The following NR5A2 variants were observed in gnomAD, a reference collection of about 807,000 sequenced individuals.
NR5A2 encodes nuclear receptor subfamily 5 group A member 2.
In NR5A2, 26 loss-of-function variants were observed where a neutral mutation model predicts 62.7. The observed-to-expected ratio is 0.41, with a 90% CI of 0.30 to 0.58. The LOEUF (loss-of-function observed/expected upper bound fraction) is 0.58. Ranked by LOEUF, NR5A2 falls within the 20% of genes least tolerant of loss-of-function variation. The probability of loss-of-function intolerance (pLI) is 0.22; values close to 1 mark genes in which losing one functional copy is unlikely to be tolerated. For missense variants in NR5A2, 541 were observed against 669.1 expected (o/e 0.81, Z 2.11); for synonymous variants, 246 against 241.7 (o/e 1.02, Z -0.16).
At chr1:200,141,271 C>A (rs114267286) in intron 7 of NR5A2, among the ~76,000 whole-genome samples, 1 of 152,020 alleles carries the variant, frequency 6.6e-6, no homozygotes, top group Non-Finnish European at 1.5e-5. Flanking sequence ...TTTATAGCAC[C>A]CACCCCTCCC....
intron 7 of NR5A2, among the ~76,000 whole-genome samples, chr1:200,166,809 A>G (rs1653925069): frequency 6.6e-6 from 1 of 152,196 alleles, no homozygotes; most frequent in Non-Finnish European, 1.5e-5. Context: ...CTGTTTTTCC[A>G]CTGGGAAAAT....
chr1:200,153,373 G>T (rs1571565355), intron 7 of NR5A2, among the ~76,000 whole-genome samples: 1 of 152,122 alleles, frequency 6.6e-6, no homozygotes, highest in East Asian at 1.9e-4. Flanking sequence ...CAAATAAGCT[G>T]GTGCTTCCCC....
intron 5 of NR5A2, among the ~76,000 whole-genome samples, chr1:200,104,526 A>G (rs1035364554): frequency 6.6e-6 from 1 of 152,182 alleles, no homozygotes; most frequent in Non-Finnish European, 1.5e-5. Context: ...TATAAATGTC[A>G]TCATTGTTAC....
At chr1:200,034,849 C>CT (rs1661703563) in intron 1 of NR5A2, among the ~76,000 whole-genome samples, 2 of 84,188 alleles carry the variant, frequency 2.4e-5, no homozygotes, top group African/African-American at 8.9e-5. Context: ...TTCAGGTTTG[C>CT]TTTTTTAAAG....
In NR5A2 at chr1:200,039,209, GGA is replaced by G. The variant is rs1278226777; in HGVS notation, c.65-442_65-441del. Among the ~76,000 whole-genome samples the G allele has an allele frequency of 3.3e-5, 5 of 151,948 alleles. No individual in the cohort carries two copies. The highest frequency in any genetic ancestry group is 1.2e-4 in the African/African-American group (5 of 41,418). ...AGAGAGAAGGGAGGCGAGAGAAAGAGGAGAGAGACCCCTGCCGATCCTGAGCC... is the reference window on the plus strand; with the variant it reads ...AGAGAGAAGGGAGGCGAGAGAAAGAGGAGAGACCCCTGCCGATCCTGAGCC... On this transcript the variant is annotated intron_variant, in intron 1 of 7. Transcript: ENST00000367362. This position sits in a 1 kb window ranked among gnomAD's most constrained non-coding sequence, Gnocchi z 5.1.
chr1:200,039,520 C>A lies in NR5A2; in HGVS notation c.65-138C>A. 8.2e-7 allele frequency: 1 copy of A among 1,218,674 alleles called. No individual in the cohort carries two copies. Among genetic ancestry groups the A allele is most frequent in the East Asian group, 2.6e-5 (1 of 37,842 alleles). The allele number at this position is 1,218,674 out of a possible 1,614,324, so 75.5% of individuals were successfully genotyped here. ...GCGGCTCCGGAGCTGCGAGACCGGACAGGGCTCAGAGGTCCTGCCCGGCAG... is the reference window on the plus strand; with the variant it reads ...GCGGCTCCGGAGCTGCGAGACCGGAAAGGGCTCAGAGGTCCTGCCCGGCAG... On this transcript the variant is annotated intron_variant, in intron 1 of 7. Coordinates refer to ENST00000367362, the MANE Select transcript of NR5A2 (RefSeq NM_205860.3). The surrounding 1 kb of genome is among the most constrained non-coding windows in gnomAD (Gnocchi z 5.1).
At chr1:200,092,873 CTTTTTTTTTT>C (rs869028679) in intron 5 of NR5A2, among the ~76,000 whole-genome samples, 2 of 64,250 alleles carry the variant, frequency 3.1e-5, no homozygotes, top group Admixed American at 2.1e-4. Flanking sequence ...AAAGACAGGT[CTTTTTTTTTT>C]TTTTTTTTTT....
chr1:200,074,128 TA>T (rs983318921), intron 5 of NR5A2, among the ~76,000 whole-genome samples: 5 of 152,086 alleles, frequency 3.3e-5, no homozygotes, highest in African/African-American at 1.2e-4. Flanking sequence ...CTAAAAAGCA[TA>T]AAAAACAATA....
At position 200,073,242 on chromosome 1, in the gene NR5A2, ATATATATATATATATATATTCCCCTT is replaced by A. The variant is rs1335016426; in HGVS notation, c.1110+24444_1110+24469del. Among the ~76,000 whole-genome samples the A allele has an allele frequency of 1.1e-3, 131 of 120,516 alleles. 2 individuals carry two copies. Among genetic ancestry groups the A allele is most frequent in the African/African-American group, 3.0e-3 (81 of 27,234 alleles). The allele number at this position is 120,516 out of a possible 152,430, so 79.1% of individuals were successfully genotyped here. A position where few individuals can be genotyped will look rare whatever the true frequency, so the allele number is the denominator to read the frequency against. On this transcript the variant is annotated intron_variant, in intron 5 of 7. Coordinates refer to ENST00000367362, the MANE Select transcript of NR5A2 (RefSeq NM_205860.3). Reference sequence around the variant, plus strand: ...GGTCAAAGCATTTACATACATATATATATATATATATATATATATTCCCCTTTATATATATATATATATATATATTC... The same window carrying A: ...GGTCAAAGCATTTACATACATATATATATATATATATATATATATATATTC...
intron 2 of NR5A2, among the ~76,000 whole-genome samples, chr1:200,040,313 C>G (rs982815681): frequency 6.6e-6 from 1 of 152,194 alleles, no homozygotes; most frequent in Non-Finnish European, 1.5e-5. Flanking sequence ...ACACCCGCAG[C>G]CAGCTCGGAT....
intron 5 of NR5A2, among the ~76,000 whole-genome samples, chr1:200,083,343 A>C (rs1194151085): frequency 1.3e-5 from 2 of 152,232 alleles, no homozygotes; most frequent in African/African-American, 4.8e-5. Flanking sequence ...TAAGTAACAA[A>C]TGTCATCATT....
intron 7 of NR5A2, among the ~76,000 whole-genome samples, chr1:200,129,141 C>T (rs2102325032): frequency 6.6e-6 from 1 of 152,216 alleles, no homozygotes; most frequent in Admixed American, 6.5e-5. Flanking sequence ...GGCCCCATAC[C>T]CCAGGCCCAG....
chr1:200,056,081 G>A (rs1265388576), intron 5 of NR5A2, among the ~76,000 whole-genome samples: 1 of 152,158 alleles, frequency 6.6e-6, no homozygotes, highest in Non-Finnish European at 1.5e-5. Flanking sequence ...CTTTGGTGTG[G>A]CTGATAGTGT....
intron 7 of NR5A2, among the ~76,000 whole-genome samples, chr1:200,123,172 T>A (rs945570279): frequency 2.6e-5 from 4 of 152,156 alleles, no homozygotes; most frequent in African/African-American, 4.8e-5. Flanking sequence ...TTGAGACTCT[T>A]TGGTCCTGGA....
rs902496465 is a variant in NR5A2, at chr1:200,039,772, G to A, written c.179G>A (p.Gly60Asp). 1 of 1,608,436 alleles carries A rather than the reference G, an allele frequency of 6.2e-7. No individual in the cohort carries two copies. The highest frequency in any genetic ancestry group is 8.5e-7 in the Non-Finnish European group (1 of 1,177,672). ...LGLARSHGEQ[G>D]QMPENMQVSQ... ...CTGGCTCGATCGCATGGGGAACAGG[G>A]CCAGATGCCGGAAAACATGCAAGGT... The change falls in exon 2 of 8, where the codon GGC becomes GAC. Residue 60 changes from glycine (G) to aspartate (D), a missense_variant. Gly to Asp is a moderately conservative substitution (Grantham distance 94). Around this residue, in one of 3 missense-constraint regions of NR5A2, gnomAD observed 108 missense variants for 103.3 expected, o/e 1.05. Transcript: ENST00000367362. This position sits in a 1 kb window ranked among gnomAD's most constrained non-coding sequence, Gnocchi z 5.1.
chr1:200,131,532 C>A (rs1026666883), intron 7 of NR5A2, among the ~76,000 whole-genome samples: 3 of 152,166 alleles, frequency 2.0e-5, no homozygotes, highest in Non-Finnish European at 2.9e-5. Context: ...GCCAGGCAAG[C>A]TAGGAATAAC....
rs777602579 is a variant in NR5A2, at chr1:200,174,219, C to G, written c.*9C>G. ...ATGCCAAAAGAGCATAAGTTACAAC[C>G]CCTAGGAGCTCTGCTTTCAAAACAA... is the stretch of plus-strand genomic sequence containing the variant. On this transcript the variant is annotated 3_prime_UTR_variant, in exon 8 of 8. Coordinates refer to ENST00000367362, the MANE Select transcript of NR5A2 (RefSeq NM_205860.3). 2.7e-5 allele frequency: 41 copies of G among 1,541,432 alleles called. No homozygotes were observed. Among genetic ancestry groups the G allele is most frequent in the Non-Finnish European group, 3.4e-5 (39 of 1,143,306 alleles).
chr1:200,030,635 G>C (rs1661515576), intron 1 of NR5A2, among the ~76,000 whole-genome samples: 2 of 152,132 alleles, frequency 1.3e-5, no homozygotes, highest in South Asian at 4.1e-4. Context: ...CAAGAAAAGA[G>C]CCATATCTGT....
intron 1 of NR5A2, among the ~76,000 whole-genome samples, chr1:200,036,745 C>T (rs1430654230): frequency 6.6e-6 from 1 of 152,060 alleles, no homozygotes; most frequent in African/African-American, 2.4e-5. Context: ...GCGCCGAGGG[C>T]TTAGGCTTCT....
Sources: gnomAD v4.1 joint callset for allele counts (sites outside exome capture counted in the v4.1 genomes callset) on GRCh38, gnomAD v4.1.1 for gene constraint, gnomAD v4.1.1 regional missense constraint, Gnocchi (gnomAD v3.1) non-coding constraint, MANE v1.5 for transcripts, NCBI Gene and HGNC (gene_info 2026-07-23, HGNC 2026-07-21) for gene names.